EPHA4: variants seen among roughly 807,000 people sequenced by gnomAD.
EPHA4 encodes ephrin type-A receptor 4.
Under a neutral mutation model 108.3 loss-of-function variants are expected in EPHA4, and 19 were observed. The observed-to-expected ratio is 0.18, with a 90% CI of 0.12 to 0.26. The LOEUF is 0.26. Among genes scored for constraint, EPHA4 ranks in the 10% least tolerant of loss-of-function variants. The probability of loss-of-function intolerance (pLI) is 1.00; values close to 1 mark genes in which losing one functional copy is unlikely to be tolerated. For synonymous variants in EPHA4, 449 were observed against 455.5 expected, an observed-to-expected ratio of 0.99 and a Z score of 0.18; for missense variants, 917 against 1,254.0, an observed-to-expected ratio of 0.73 and a Z score of 4.06.
chr2:221,551,028 T>C (rs991008897), intron 3 of EPHA4, among the ~76,000 whole-genome samples: 1 of 152,090 alleles, frequency 6.6e-6, no homozygotes, highest in African/African-American at 2.4e-5. Context: ...TCCATTAAAA[T>C]TGGTCATAAG....
At chr2:221,546,953 A>AG (rs397869921) in intron 3 of EPHA4, among the ~76,000 whole-genome samples, 288 of 151,822 alleles carry the variant, frequency 1.9e-3, no homozygotes, top group East Asian at 2.1e-3. Context: ...AAAAAATAAA[A>AG]GGGGGGGGAC....
chr2:221,527,696 G>A (rs1693380606), intron 3 of EPHA4, among the ~76,000 whole-genome samples: 1 of 152,188 alleles, frequency 6.6e-6, no homozygotes, highest in Non-Finnish European at 1.5e-5. Flanking sequence ...CATAACATTG[G>A]CCTGGATCAG....
At position 221,482,405 on chromosome 2, in the gene EPHA4, TA is replaced by T; in HGVS notation, c.1264del (p.Tyr422IlefsTer13). ...EIWAVNGVSK[Y>X]NPNPDQSVSV... ...AACTGATTGGTCTGGGTTAGGGTTATATTTGGACACTCCATTCACAGCCCAG... is the reference window on the plus strand; with the variant it reads ...AACTGATTGGTCTGGGTTAGGGTTATTTTGGACACTCCATTCACAGCCCAG... On this transcript the variant is annotated frameshift_variant, in exon 5 of 18. Transcript: ENST00000281821. LOFTEE classifies it high-confidence loss of function. 1 of 1,614,028 alleles carries T rather than the reference TA, an allele frequency of 6.2e-7. No homozygotes were observed. Among genetic ancestry groups the T allele is most frequent in the Non-Finnish European group, 8.5e-7 (1 of 1,179,950 alleles).
intron 4 of EPHA4, among the ~76,000 whole-genome samples, chr2:221,498,780 T>C (rs941460190): frequency 2.3e-5 from 3 of 128,446 alleles, no homozygotes; most frequent in African/African-American, 8.7e-5. Context: ...GTCCTGGCTA[T>C]TTTTTTTTTC....
chr2:221,478,849 C>T (rs1364574824), intron 5 of EPHA4, among the ~76,000 whole-genome samples: 4 of 152,164 alleles, frequency 2.6e-5, no homozygotes, highest in Admixed American at 6.5e-5. Flanking sequence ...TGAAGCAAGC[C>T]CTTTTGGCCA....
intron 3 of EPHA4, among the ~76,000 whole-genome samples, chr2:221,541,347 C>A (rs1000338852): frequency 6.6e-6 from 1 of 152,004 alleles, no homozygotes; most frequent in African/African-American, 2.4e-5. Flanking sequence ...TAAGAAGGTA[C>A]CATATTAGAG....
intron 5 of EPHA4, among the ~76,000 whole-genome samples, chr2:221,467,626 A>T (rs1338462906): frequency 6.6e-6 from 1 of 152,212 alleles, no homozygotes; most frequent in Non-Finnish European, 1.5e-5. Flanking sequence ...TTACAGGTAC[A>T]GTCATAGGAT....
chr2:221,473,952 T>C (rs1691577213), intron 5 of EPHA4, among the ~76,000 whole-genome samples: 1 of 152,188 alleles, frequency 6.6e-6, no homozygotes, highest in Admixed American at 6.5e-5. Flanking sequence ...CAAATGAACA[T>C]GCATATATCT....
chr2:221,506,297 C>A (rs1045695442), intron 3 of EPHA4, among the ~76,000 whole-genome samples: 2 of 152,012 alleles, frequency 1.3e-5, no homozygotes, highest in African/African-American at 4.8e-5. Flanking sequence ...TAAACTATTT[C>A]TTATGTTAAT....
intron 3 of EPHA4, among the ~76,000 whole-genome samples, chr2:221,520,068 T>G (rs190586945): frequency 1.1e-4 from 16 of 152,296 alleles, no homozygotes; most frequent in South Asian, 2.1e-4. Context: ...GTGTAATTTT[T>G]AAAAAGTATG....
chr2:221,463,808 C>T (rs941622483), intron 5 of EPHA4, among the ~76,000 whole-genome samples: 8 of 151,992 alleles, frequency 5.3e-5, no homozygotes, highest in African/African-American at 1.2e-4. Flanking sequence ...AGAGGAGATA[C>T]GGAGAAAAGA....
chr2:221,572,454 CG>C, upstream of EPHA4: 1 of 376,530 alleles, frequency 2.7e-6, no homozygotes, highest in Non-Finnish European at 4.7e-6. Flanking sequence ...CCCAGGGTTC[CG>C]CCCCCTCCGG....
intron 3 of EPHA4, among the ~76,000 whole-genome samples, chr2:221,547,698 G>A (rs1694039967): frequency 6.6e-6 from 1 of 152,090 alleles, no homozygotes; most frequent in African/African-American, 2.4e-5. Flanking sequence ...CCTTATATAA[G>A]AATGCAAGGC....
chr2:221,443,460 G>C (rs1175690679), intron 10 of EPHA4, 33 bp downstream of exon 10: 2 of 1,484,424 alleles, frequency 1.3e-6, no homozygotes, highest in East Asian at 2.3e-5. Flanking sequence ...CAAGAAAACA[G>C]ACTCATTAGC....
chr2:221,427,757 T>TA (rs1689955033), intron 15 of EPHA4, among the ~76,000 whole-genome samples: 1 of 152,206 alleles, frequency 6.6e-6, no homozygotes. Flanking sequence ...TCTTTCCTTG[T>TA]AAAAACAAAA....
chr2:221,562,103 A>G (rs934822497), intron 3 of EPHA4, among the ~76,000 whole-genome samples: 1 of 152,158 alleles, frequency 6.6e-6, no homozygotes, highest in Non-Finnish European at 1.5e-5. Context: ...AGTACAGCTT[A>G]TCTAGTAGTT....
At chr2:221,561,132 C>T (rs1329621080) in intron 3 of EPHA4, among the ~76,000 whole-genome samples, 1 of 152,052 alleles carries the variant, frequency 6.6e-6, no homozygotes, top group Middle Eastern at 3.2e-3. Flanking sequence ...GTCCCAGCTA[C>T]TTGGGAGGCT....
intron 3 of EPHA4, among the ~76,000 whole-genome samples, chr2:221,516,848 T>C (rs1053117983): frequency 5.3e-5 from 8 of 152,178 alleles, no homozygotes; most frequent in African/African-American, 1.4e-4. Context: ...AAGGTCCTTT[T>C]TTTTCCCCAA....
chr2:221,522,751 T>TATTATTATC (rs1693201558), intron 3 of EPHA4, among the ~76,000 whole-genome samples: 1 of 37,052 alleles, frequency 2.7e-5, no homozygotes, highest in Admixed American at 2.2e-4. Context: ...TTATTATTAT[T>TATTATTATC]ATTATTATTA....
Sources: gnomAD v4.1 joint callset for allele counts (sites outside exome capture counted in the v4.1 genomes callset) on GRCh38, gnomAD v4.1.1 for gene constraint, MANE v1.5 for transcripts, NCBI Gene and HGNC (gene_info 2026-07-23, HGNC 2026-07-21) for gene names.